The following CACNG5 variants were observed in gnomAD, a reference collection of about 807,000 sequenced individuals.
The protein encoded by CACNG5 is calcium voltage-gated channel auxiliary subunit gamma 5.
A neutral mutation model predicts 24.8 loss-of-function variants in CACNG5; 18 were observed. The observed-to-expected ratio is 0.73, with a 90% CI of 0.50 to 1.08. The LOEUF is 1.08. CACNG5 is among the 50% of genes least tolerant of loss of function. CACNG5 has a pLI of 0.00. For missense variants in CACNG5, 349 were observed against 367.9 expected (o/e 0.95, Z 0.42); for synonymous variants, 157 against 149.1 (o/e 1.05, Z -0.39).
chr17:66,840,753 G>A (rs967306149), intron 1 of CACNG5, among the ~76,000 whole-genome samples: 17 of 152,162 alleles, frequency 1.1e-4, no homozygotes, highest in Middle Eastern at 3.2e-3. Context: ...TCTTCCTTGG[G>A]GATGGACCGC....
rs1302649328 is a variant in CACNG5, at chr17:66,890,015, A to G, written c.*4775A>G. ...TTCACCAGCTGCCTGGATTTTGGGT[A>G]TGAGGGCCAATTGGCAGCTCTCCAA... On this transcript the variant is annotated 3_prime_UTR_variant, in exon 6 of 6. Transcript: ENST00000533854. Among the ~76,000 whole-genome samples the G allele has an allele frequency of 6.6e-6, 1 of 152,220 alleles. No homozygotes were observed. The highest frequency in any genetic ancestry group is 1.5e-5 in the Non-Finnish European group (1 of 68,038).
chr17:66,853,716 T>G (rs889056464), intron 1 of CACNG5, among the ~76,000 whole-genome samples: 2 of 152,128 alleles, frequency 1.3e-5, no homozygotes, highest in African/African-American at 4.8e-5. Context: ...TTTCAATAAA[T>G]GCAGAAAAAC....
chr17:66,840,156 G>A (rs8076321), intron 1 of CACNG5, among the ~76,000 whole-genome samples: 2,812 of 152,236 alleles, frequency 0.018, 82 homozygotes, highest in African/African-American at 0.064. Flanking sequence ...CCCCCTCACT[G>A]GCCCCCTCTC....
intron 1 of CACNG5, among the ~76,000 whole-genome samples, chr17:66,843,909 G>T (rs936239489): frequency 1.3e-5 from 2 of 151,510 alleles, no homozygotes; most frequent in Admixed American, 1.3e-4. Context: ...ATTTGTCTCT[G>T]TGCAGTTTGG....
At chr17:66,869,773 T>C (rs550711904) in intron 1 of CACNG5, among the ~76,000 whole-genome samples, 1 of 152,290 alleles carries the variant, frequency 6.6e-6, no homozygotes, top group African/African-American at 2.4e-5. Context: ...CTGTTGTGTA[T>C]CAAATTATCT....
intron 4 of CACNG5, among the ~76,000 whole-genome samples, chr17:66,882,577 G>T (rs901991139): frequency 6.6e-6 from 1 of 152,176 alleles, no homozygotes; most frequent in East Asian, 1.9e-4. Flanking sequence ...GGTGACCTGT[G>T]CATTTTCATG....
intron 1 of CACNG5, among the ~76,000 whole-genome samples, chr17:66,861,105 T>A (rs570910694): frequency 6.6e-6 from 1 of 152,286 alleles, no homozygotes; most frequent in Admixed American, 6.5e-5. Context: ...TATAAAAATA[T>A]GTATACAATT....
rs1424544245 is a variant in CACNG5, at chr17:66,880,679, ATCT to A, written c.411_413del (p.Phe138del). 1.2e-6 allele frequency: 2 copies of A among 1,614,074 alleles called. No homozygotes were observed. Among genetic ancestry groups the A allele is most frequent in the South Asian group, 1.1e-5 (1 of 91,074 alleles). ...GACGATACTGGCCTTTGTCTCTGGC[ATCT>A]TCTTTATCCTCTCAGGTAAGTTGTG... On this transcript the variant is annotated inframe_deletion, in exon 4 of 6. Coordinates refer to ENST00000533854, the MANE Select transcript of CACNG5 (RefSeq NM_145811.3).
intron 1 of CACNG5, among the ~76,000 whole-genome samples, chr17:66,864,936 A>G (rs1319021552): frequency 6.6e-6 from 1 of 152,158 alleles, no homozygotes; most frequent in Non-Finnish European, 1.5e-5. Context: ...GTTCATCAAT[A>G]TATATTTTTA....
At chr17:66,877,082 G>C in intron 1 of CACNG5, 148 bp from the exon 2 acceptor site, 1 of 460,956 alleles carries the variant, frequency 2.2e-6, no homozygotes. Context: ...TGCCAAGAAC[G>C]CTCTGAATTG....
rs761667637 is a variant in CACNG5, at chr17:66,885,067, C to T, written c.655C>T (p.Pro219Ser). The T allele has an allele frequency of 4.3e-6, 7 of 1,614,208 alleles. No homozygotes were observed. The East Asian group carries it at 1.6e-4, about 36-fold the overall frequency. The change falls in exon 6 of 6, where the codon CCT (proline) becomes TCT (serine). Residue 219 changes from proline (P) to serine (S), a missense_variant. Physicochemically the swap from Pro to Ser is moderately conservative, Grantham distance 74. Coordinates refer to ENST00000533854, the MANE Select transcript of CACNG5 (RefSeq NM_145811.3). Reference protein sequence around the residue: ...MYRPHPGFYRPRLSNCSDYSG... With the variant: ...MYRPHPGFYRSRLSNCSDYSG... ...CAGGCCCCACCCTGGCTTCTACCGC[C>T]CTCGGCTGAGCAACTGCTCCGATTA...
At chr17:66,855,422 C>G (rs1371512357) in intron 1 of CACNG5, among the ~76,000 whole-genome samples, 1 of 152,200 alleles carries the variant, frequency 6.6e-6, no homozygotes, top group Non-Finnish European at 1.5e-5. Context: ...GCGACCTCTT[C>G]CCTGGTTGGG....
intron 1 of CACNG5, among the ~76,000 whole-genome samples, chr17:66,846,169 C>T (rs1323554537): frequency 6.6e-6 from 1 of 152,064 alleles, no homozygotes; most frequent in Non-Finnish European, 1.5e-5. Context: ...TTTGGGTATG[C>T]GTTTTTTAAA....
intron 1 of CACNG5, among the ~76,000 whole-genome samples, chr17:66,875,510 G>A (rs1977063156): frequency 1.3e-5 from 2 of 152,140 alleles, no homozygotes; most frequent in Non-Finnish European, 2.9e-5. Context: ...GGGCCAGCGT[G>A]CACCCCTCAA....
At chr17:66,861,322 A>C (rs1308271901) in intron 1 of CACNG5, among the ~76,000 whole-genome samples, 1 of 152,254 alleles carries the variant, frequency 6.6e-6, no homozygotes, top group African/African-American at 2.4e-5. Context: ...ACCTACGTGC[A>C]CTTACCATGT....
chr17:66,874,614 A>G (rs1017102833), intron 1 of CACNG5, among the ~76,000 whole-genome samples: 2 of 152,202 alleles, frequency 1.3e-5, no homozygotes, highest in Non-Finnish European at 2.9e-5. Context: ...GCACCAAGCC[A>G]TTCCTGAGGG....
Position 66,893,296 on chromosome 17 carries a change from G to C in CACNG5, c.*8056G>C, listed in dbSNP as rs980197519. ...TCCAAAGATAAATGGGGGAAGGAAAGGTCTAAATGCAAACAACGGTGATGT... is the reference window on the plus strand; with the variant it reads ...TCCAAAGATAAATGGGGGAAGGAAACGTCTAAATGCAAACAACGGTGATGT... On this transcript the variant is annotated 3_prime_UTR_variant, in exon 6 of 6. Transcript: ENST00000533854. Among the ~76,000 whole-genome samples, 1 of 152,132 alleles carries C rather than the reference G, an allele frequency of 6.6e-6. No homozygotes were observed. Among genetic ancestry groups the C allele is most frequent in the African/African-American group, 2.4e-5 (1 of 41,428 alleles).
At position 66,892,714 on chromosome 17, in the gene CACNG5, C is replaced by T. The variant is rs925891733; in HGVS notation, c.*7474C>T. ...AATGTGTGTGAAAACACCGTGTAAACTGTAAAGTCCTCTTTGGACTAAGTT... is the reference window on the plus strand; with the variant it reads ...AATGTGTGTGAAAACACCGTGTAAATTGTAAAGTCCTCTTTGGACTAAGTT... On this transcript the variant is annotated 3_prime_UTR_variant, in exon 6 of 6. Coordinates refer to ENST00000533854, the MANE Select transcript of CACNG5 (RefSeq NM_145811.3). Among the ~76,000 whole-genome samples, 2 of 152,226 alleles carry T rather than the reference C, an allele frequency of 1.3e-5. No homozygotes were observed. The highest frequency in any genetic ancestry group is 2.9e-5 in the Non-Finnish European group (2 of 68,050).
intron 1 of CACNG5, among the ~76,000 whole-genome samples, chr17:66,854,357 G>A (rs1474059836): frequency 2.0e-5 from 3 of 151,772 alleles, no homozygotes; most frequent in Non-Finnish European, 2.9e-5. Context: ...GAACCTGGGA[G>A]GCAGAGTGCA....
Sources: gnomAD v4.1 joint callset for allele counts (sites outside exome capture counted in the v4.1 genomes callset) on GRCh38, gnomAD v4.1.1 for gene constraint, MANE v1.5 for transcripts, NCBI Gene and HGNC (gene_info 2026-07-23, HGNC 2026-07-21) for gene names.